Variants in CPZ observed in about 807,000 individuals in gnomAD.
CPZ encodes the protein VEZT/CPZ fusion.
Under a neutral mutation model 61.8 loss-of-function variants are expected in CPZ, and 103 were observed. That is an observed-to-expected ratio of 1.67 (90% CI 1.42 to 1.96). The LOEUF is 1.96. Among genes scored for constraint, CPZ ranks in the 30% most tolerant of loss-of-function variants. The pLI is 0.00. For synonymous variants in CPZ, 551 were observed against 373.7 expected, an observed-to-expected ratio of 1.47 and a Z score of -5.47; for missense variants, 1,461 against 914.9, an observed-to-expected ratio of 1.60 and a Z score of -7.70.
chr4:8,613,359 T>C (rs576168663), intron 8 of CPZ, among the ~76,000 whole-genome samples: 14 of 152,338 alleles, frequency 9.2e-5, no homozygotes, highest in African/African-American at 3.1e-4. Flanking sequence ...CTTGATCTCC[T>C]GACCTCGTGA....
chr4:8,614,548 G>A (rs951946498), intron 9 of CPZ, 50 bp downstream of exon 9: 5 of 1,592,332 alleles, frequency 3.1e-6, no homozygotes, highest in Non-Finnish European at 4.3e-6. Flanking sequence ...CCTGGGTGGG[G>A]TGGGTCACAT....
Position 8,607,412 on chromosome 4 carries a change from C to A in CPZ, c.1214C>A (p.Thr405Lys). 9 of 1,613,966 alleles carry A rather than the reference C, an allele frequency of 5.6e-6. No homozygotes were observed. Among genetic ancestry groups the A allele is most frequent in the Non-Finnish European group, 6.8e-6 (8 of 1,179,908 alleles). The change falls in exon 7 of 11, where the codon ACG becomes AAG. Residue 405 changes from threonine (T) to lysine (K), a missense_variant. Thr to Lys is a moderately conservative substitution (Grantham distance 78). Coordinates refer to ENST00000360986, the MANE Select transcript of CPZ (RefSeq NM_001014447.3). ...CAGGAGGAGAAGATGTTTTCTCCCA[C>A]GCCCGACGAGAAGGTGAGAGGGCTG... ...HPQEEKMFSP[T>K]PDEKMFKLLS... is the part of the protein sequence containing the mutation.
chr4:8,609,127 T>TTTACTCATTCACCCATTCAC (rs1560297898), intron 7 of CPZ, among the ~76,000 whole-genome samples: 12,454 of 137,886 alleles, frequency 0.09, 841 homozygotes, highest in South Asian at 0.14. Context: ...CCCTCACTCA[T>TTTACTCATTCACCCATTCAC]TCACTCATTT....
At chr4:8,609,706 A>T (rs1214005451) in intron 7 of CPZ, among the ~76,000 whole-genome samples, 1 of 152,220 alleles carries the variant, frequency 6.6e-6, no homozygotes, top group East Asian at 1.9e-4. Flanking sequence ...ACCAGATGTG[A>T]GAAGACGTCC....
Position 8,606,159 on chromosome 4 carries a change from G to A in CPZ, c.880G>A (p.Asp294Asn). Residue 294 changes from aspartate to asparagine, a missense_variant, in exon 5 of 11, where the codon GAC becomes AAC. Transcript: ENST00000360986. ...CCACCTGCTGCCCTCCATGAACCCT[G>A]ACGGCTATGAGGTGGCAGCTGCCGA... ...RIHLLPSMNP[D>N]GYEVAAAEGA... 1 of 1,614,076 alleles carries A rather than the reference G, an allele frequency of 6.2e-7. No individual in the cohort carries two copies. The highest frequency in any genetic ancestry group is 8.5e-7 in the Non-Finnish European group (1 of 1,180,000).
chr4:8,599,765 C>A, intron 2 of CPZ: 2 of 584,344 alleles, frequency 3.4e-6, no homozygotes, highest in Non-Finnish European at 5.5e-6. Context: ...CCACTGCAGT[C>A]ACACGTCCTG....
At chr4:8,593,970 C>G (rs1713985466) in intron 1 of CPZ, among the ~76,000 whole-genome samples, 1 of 152,134 alleles carries the variant, frequency 6.6e-6, no homozygotes, top group South Asian at 2.1e-4. Context: ...CCCTGAGAGC[C>G]CAGACAGTAT....
At chr4:8,600,710 CAA>C (rs1714513081) in intron 2 of CPZ, among the ~76,000 whole-genome samples, 1 of 152,232 alleles carries the variant, frequency 6.6e-6, no homozygotes, top group Non-Finnish European at 1.5e-5. Flanking sequence ...TTAGGGTCCC[CAA>C]AGACACTAGA....
In CPZ at chr4:8,594,646, C is replaced by T. The variant is rs548143658; in HGVS notation, c.88+1725C>T. Among the ~76,000 whole-genome samples the T allele has an allele frequency of 6.6e-5, 10 of 152,334 alleles. No homozygotes were observed. The South Asian group carries it at 1.9e-3, about 28-fold the overall frequency. Reference sequence around the variant, plus strand: ...GTGGTTAAGAGGCTTAGAACTATTTCAAAAGCCGCTTTCAGACCAGTGCTG... The same window carrying T: ...GTGGTTAAGAGGCTTAGAACTATTTTAAAAGCCGCTTTCAGACCAGTGCTG... On this transcript the variant is annotated intron_variant, in intron 1 of 10. Transcript: ENST00000360986.
At chr4:8,617,884 G>A (rs80320484) in intron 9 of CPZ, among the ~76,000 whole-genome samples, 1 of 152,166 alleles carries the variant, frequency 6.6e-6, no homozygotes, top group African/African-American at 2.4e-5. Flanking sequence ...TGGAGCTGTG[G>A]GCGTGCAGGG....
chr4:8,612,131 C>T lies in CPZ; in HGVS notation c.1332C>T (p.Ile444=). 2.5e-6 allele frequency: 4 copies of T among 1,603,792 alleles called. No individual in the cohort carries two copies. The highest frequency in any genetic ancestry group is 3.4e-6 in the Non-Finnish European group (4 of 1,176,502). ...ATTTCCTGAAGAGGGGGAGCATCATCAACGGGGCGGACTGGTACAGCTTCA... is the reference window on the plus strand; with the variant it reads ...ATTTCCTGAAGAGGGGGAGCATCATTAACGGGGCGGACTGGTACAGCTTCA... ...GGNFLKRGSI[I]NGADWYSFTG... is the part of the protein sequence containing the mutation. Residue 444 remains isoleucine, a synonymous_variant, in exon 8 of 11, where the codon ATC becomes ATT. Coordinates refer to ENST00000360986, the MANE Select transcript of CPZ (RefSeq NM_001014447.3).
intron 1 of CPZ, among the ~76,000 whole-genome samples, chr4:8,593,461 G>A (rs561159789): frequency 1.1e-4 from 16 of 152,308 alleles, no homozygotes; most frequent in African/African-American, 3.6e-4. Context: ...TGGACGCAGG[G>A]ATCCTCTGGG....
intron 7 of CPZ, among the ~76,000 whole-genome samples, chr4:8,610,011 C>G (rs186352372): frequency 6.6e-6 from 1 of 152,222 alleles, no homozygotes; most frequent in African/African-American, 2.4e-5. Context: ...CTGCTCCACA[C>G]GTGCCCCTTT....
chr4:8,609,160 T>TCAGG (rs1452860360), intron 7 of CPZ, among the ~76,000 whole-genome samples: 124 of 137,178 alleles, frequency 9.0e-4, no homozygotes, highest in Middle Eastern at 3.6e-3. Flanking sequence ...ACTCCCTCAC[T>TCAGG]CATTCACTCA....
rs57358185 is a variant in CPZ, at chr4:8,595,450, G to A, written c.88+2529G>A. On this transcript the variant is annotated intron_variant, in intron 1 of 10. Transcript: ENST00000360986. ...GCTCTGTGGCTGCCAGGGCAGGTGC[G>A]GCCTGGGAGAGGCAGAGGGTGGGCT... 1.8e-3 allele frequency among the ~76,000 whole-genome samples: 277 copies of A among 152,340 alleles called. 2 individuals are homozygous for A. Among genetic ancestry groups the A allele is most frequent in the African/African-American group, 6.4e-3 (265 of 41,582 alleles).
chr4:8,598,909 G>T (rs906557153), intron 1 of CPZ, among the ~76,000 whole-genome samples: 2 of 152,232 alleles, frequency 1.3e-5, no homozygotes, highest in Non-Finnish European at 2.9e-5. Flanking sequence ...AGGAAATGGG[G>T]AGAGGCCACA....
Position 8,619,731 on chromosome 4 carries a change from T to A in CPZ, c.*114T>A. On this transcript the variant is annotated 3_prime_UTR_variant, in exon 11 of 11. Coordinates refer to ENST00000360986, the MANE Select transcript of CPZ (RefSeq NM_001014447.3). ...ATCCCACAAAGCCGCTGCCATTTTA[T>A]TAAAGTGTTTTGATCCACTTTGCAC... 1 of 812,740 alleles carries A rather than the reference T, an allele frequency of 1.2e-6. No homozygotes were observed. The highest frequency in any genetic ancestry group is 1.8e-6 in the Non-Finnish European group (1 of 551,882). The allele number at this position is 812,740 out of a possible 1,614,324, so 50.3% of individuals were successfully genotyped here.
At chr4:8,593,634 C>T (rs1378433489) in intron 1 of CPZ, among the ~76,000 whole-genome samples, 1 of 152,176 alleles carries the variant, frequency 6.6e-6, no homozygotes, top group Admixed American at 6.5e-5. Flanking sequence ...CAGAAGCAGA[C>T]ATCTGGGCTC....
At position 8,614,561 on chromosome 4, in the gene CPZ, AGGCCCCCAG is replaced by A. The variant is rs1339786256; in HGVS notation, c.1503+67_1503+75del. The A allele has an allele frequency of 4.5e-6, 7 of 1,566,000 alleles. No homozygotes were observed. In the Admixed American group the frequency reaches 8.9e-5, roughly 20 times the overall value. On this transcript the variant is annotated intron_variant, in intron 9 of 10. Transcript: ENST00000360986. ...GGCCTGGGTGGGGTGGGTCACATTC[AGGCCCCCAG>A]GGCAGCCCCCGTAGCCTCACTGCCC...
Sources: gnomAD v4.1 joint callset for allele counts (sites outside exome capture counted in the v4.1 genomes callset) on GRCh38, gnomAD v4.1.1 for gene constraint, MANE v1.5 for transcripts, NCBI Gene and HGNC (gene_info 2026-07-23, HGNC 2026-07-21) for gene names.